Variants in AQR observed in about 807,000 individuals in gnomAD.
AQR encodes the protein RNA helicase aquarius.
Under a neutral mutation model 180.5 loss-of-function variants are expected in AQR, and 61 were observed. The ratio of observed to expected loss-of-function variants is 0.34; its 90% CI spans 0.28 to 0.42. The LOEUF (loss-of-function observed/expected upper bound fraction) is 0.42. AQR is among the 10% of genes least tolerant of loss of function. AQR has a pLI of 1.00. For synonymous variants in AQR, 551 were observed against 588.8 expected (o/e 0.94, Z 0.93); for missense variants, 1,281 against 1,798.3 (o/e 0.71, Z 5.20).
intron 5 of AQR, among the ~76,000 whole-genome samples, chr15:34,945,505 C>T (rs1894097134): frequency 6.6e-6 from 1 of 152,194 alleles, no homozygotes; most frequent in African/African-American, 2.4e-5. Context: ...GGCCTAATCA[C>T]CAAAGTGATC....
intron 8 of AQR, among the ~76,000 whole-genome samples, chr15:34,940,608 T>C (rs1290980081): frequency 1.3e-5 from 2 of 151,656 alleles, no homozygotes; most frequent in African/African-American, 2.4e-5. Flanking sequence ...GTGGAGAAAA[T>C]TGAGAACCAT....
chr15:34,868,324 C>T (rs963331495), intron 31 of AQR: 2 of 150,438 alleles, frequency 1.3e-5, no homozygotes, highest in Non-Finnish European at 3.0e-5. Context: ...GAGTAAGGCC[C>T]TGTTTAAAAA....
At chr15:34,867,378 T>C (rs2140459993) in intron 32 of AQR, 146 bp downstream of exon 32, 3 of 640,880 alleles carry the variant, frequency 4.7e-6, no homozygotes, top group East Asian at 5.8e-5. Flanking sequence ...AGGAATTTGA[T>C]GTTACATTCC....
intron 5 of AQR, among the ~76,000 whole-genome samples, chr15:34,946,769 G>GC (rs1190855847): frequency 2.7e-5 from 4 of 149,124 alleles, no homozygotes; most frequent in Non-Finnish European, 6.0e-5. Flanking sequence ...GGGGGGGTCA[G>GC]CCCCCCGCCC....
chr15:34,946,240 C>A (rs1345000153), intron 5 of AQR, among the ~76,000 whole-genome samples: 1 of 152,194 alleles, frequency 6.6e-6, no homozygotes, highest in Non-Finnish European at 1.5e-5. Context: ...CATTTGCACT[C>A]CAGCCTGGAT....
At chr15:34,948,219 T>A in intron 5 of AQR, 45 bp downstream of exon 5, 1 of 1,604,766 alleles carries the variant, frequency 6.2e-7, no homozygotes. Flanking sequence ...TGTAATGGCT[T>A]ATGTGGGTCA....
intron 34 of AQR, among the ~76,000 whole-genome samples, chr15:34,857,912 A>T (rs939807649): frequency 7.2e-5 from 11 of 152,234 alleles, no homozygotes; most frequent in African/African-American, 2.4e-4. Flanking sequence ...CCTTTGCCCC[A>T]TGGCAGTCTA....
At chr15:34,857,583 C>G (rs917350865) in intron 34 of AQR, among the ~76,000 whole-genome samples, 1 of 152,130 alleles carries the variant, frequency 6.6e-6, no homozygotes, top group African/African-American at 2.4e-5. Flanking sequence ...AACCCCATCT[C>G]TACTAAAAAA....
intron 7 of AQR, among the ~76,000 whole-genome samples, chr15:34,941,211 A>G (rs1894017267): frequency 6.6e-6 from 1 of 152,234 alleles, no homozygotes; most frequent in East Asian, 1.9e-4. Flanking sequence ...ATAAAAATAC[A>G]AATCAAGATT....
chr15:34,903,774 T>C (rs1893370177), intron 19 of AQR, among the ~76,000 whole-genome samples: 1 of 152,126 alleles, frequency 6.6e-6, no homozygotes, highest in Admixed American at 6.5e-5. Context: ...TATAATATAG[T>C]TTCAAATAAT....
chr15:34,955,906 C>A (rs1595810616), intron 3 of AQR, among the ~76,000 whole-genome samples: 1 of 138,320 alleles, frequency 7.2e-6, no homozygotes, highest in Non-Finnish European at 1.5e-5. Context: ...GAAACTCCAT[C>A]TCAAAAAAAA....
chr15:34,855,185 C>G lies in AQR; in HGVS notation c.*1607G>C, dbSNP rs1394000298. 2.0e-5 allele frequency: 3 copies of G among 152,194 alleles called. No homozygotes were observed. Among genetic ancestry groups the G allele is most frequent in the Non-Finnish European group, 4.4e-5 (3 of 68,036 alleles). 9.4% of individuals were successfully genotyped at this position (152,194 alleles called of 1,614,324 possible). On this transcript the variant is annotated 3_prime_UTR_variant, in exon 35 of 35. Transcript: ENST00000156471. ...ACAAATGTCCTGATGCAGTAGGATA[C>G]ATCATAAAATGAGAGTCTGTACCAT...
chr15:34,948,292 T>G lies in AQR; in HGVS notation c.302A>C (p.Lys101Thr). Residue 101 changes from lysine to threonine, a missense_variant, in exon 5 of 35, where the codon AAG becomes ACG. Physicochemically the swap from Lys to Thr is moderately conservative, Grantham distance 78. This residue lies in a region of AQR where 404 missense variants were observed against 490.9 expected (regional missense o/e 0.82). Transcript: ENST00000156471. Reference protein sequence around the residue: ...LMSICCMVNEKFRENVPAWEI... With the variant: ...LMSICCMVNETFRENVPAWEI... ...CCATGCAGGCACGTTTTCTCTAAAC[T>G]TCTCATTCACCATACAGCAGATTGA... 1.2e-6 allele frequency: 2 copies of G among 1,613,764 alleles called. No homozygotes were observed. The highest frequency in any genetic ancestry group is 1.7e-6 in the Non-Finnish European group (2 of 1,179,954).
intron 21 of AQR, 95 bp downstream of exon 21, chr15:34,897,464 T>G: frequency 2.8e-6 from 4 of 1,442,994 alleles, no homozygotes; most frequent in Admixed American, 1.9e-5. Context: ...TTTTGTGGAG[T>G]TTTAAAAGAA....
intron 2 of AQR, among the ~76,000 whole-genome samples, chr15:34,961,100 G>A (rs537287639): frequency 6.6e-6 from 1 of 152,156 alleles, no homozygotes; most frequent in South Asian, 2.1e-4. Context: ...CACAAGATCA[G>A]GATTTTTTTT....
intron 30 of AQR, among the ~76,000 whole-genome samples, 188 bp from the exon 31 acceptor site, chr15:34,871,110 T>C (rs975045660): frequency 1.5e-4 from 23 of 152,210 alleles, no homozygotes; most frequent in Admixed American, 1.5e-3. Context: ...TTAACAGTGA[T>C]AAATACAAAC....
intron 12 of AQR, among the ~76,000 whole-genome samples, chr15:34,928,170 A>G (rs985454540): frequency 6.6e-6 from 1 of 152,218 alleles, no homozygotes; most frequent in Non-Finnish European, 1.5e-5. Context: ...CCACATACCT[A>G]GTAGGAAAGA....
At chr15:34,908,276 A>C (rs1893449140) in intron 17 of AQR, among the ~76,000 whole-genome samples, 1 of 152,144 alleles carries the variant, frequency 6.6e-6, no homozygotes, top group Non-Finnish European at 1.5e-5. Context: ...TCTCTACTAA[A>C]AATACAAAAA....
Position 34,920,388 on chromosome 15 carries a change from T to G in AQR, c.1165A>C (p.Thr389Pro), listed in dbSNP as rs536871974. 6.2e-7 allele frequency: 1 copy of G among 1,613,684 alleles called. No individual in the cohort carries two copies. Among genetic ancestry groups the G allele is most frequent in the Admixed American group, 1.7e-5 (1 of 59,974 alleles). Residue 389 changes from threonine (T) to proline (P), a missense_variant, in exon 14 of 35, where the codon ACT becomes CCT. Physicochemically the swap from Thr to Pro is conservative, Grantham distance 38. Around this residue, in one of 9 missense-constraint regions of AQR, gnomAD observed 404 missense variants for 490.9 expected, o/e 0.82. Transcript: ENST00000156471. ...GTTGTGTCTTCATTTTTAGGAAGAG[T>G]TGGCAACAAGCAGAGGTATGATGCC... is the stretch of plus-strand genomic sequence containing the variant. ...QVASYLCLLPTLPKNEDTTFD... is the reference protein window; with the variant it reads ...QVASYLCLLPPLPKNEDTTFD...
Sources: allele counts gnomAD v4.1 joint callset (sites outside exome capture counted in the v4.1 genomes callset), GRCh38; gene constraint gnomAD v4.1.1; regional missense constraint gnomAD v4.1.1; transcripts MANE v1.5; gene names NCBI Gene and HGNC (gene_info 2026-07-23, HGNC 2026-07-21).